COL26A1: variants seen among roughly 807,000 people sequenced by gnomAD.
COL26A1 encodes the protein collagen type XXVI alpha 1 chain.
A neutral mutation model predicts 59.3 loss-of-function variants in COL26A1; 41 were observed. The ratio of observed to expected loss-of-function variants is 0.69; its 90% CI spans 0.54 to 0.90. COL26A1 has a LOEUF of 0.90. Among genes scored for constraint, COL26A1 ranks in the 40% least tolerant of loss-of-function variants. The pLI is 0.00. For synonymous variants in COL26A1, 266 were observed against 256.0 expected, an observed-to-expected ratio of 1.04 and a Z score of -0.37; for missense variants, 612 against 602.3, an observed-to-expected ratio of 1.02 and a Z score of -0.17.
intron 1 of COL26A1, among the ~76,000 whole-genome samples, chr7:101,414,197 T>G (rs1792314717): frequency 6.6e-6 from 1 of 152,174 alleles, no homozygotes; most frequent in Non-Finnish European, 1.5e-5. Flanking sequence ...CCAGCCCATT[T>G]AAAGACCAAA....
At chr7:101,435,725 G>A (rs1011286524) in intron 2 of COL26A1, among the ~76,000 whole-genome samples, 6 of 152,160 alleles carry the variant, frequency 3.9e-5, no homozygotes, top group African/African-American at 1.2e-4. Flanking sequence ...CCAGGGACTC[G>A]GGGGGTTAAG....
intron 3 of COL26A1, among the ~76,000 whole-genome samples, chr7:101,525,652 A>G (rs1795229777): frequency 6.7e-6 from 1 of 149,278 alleles, no homozygotes; most frequent in African/African-American, 2.5e-5. Flanking sequence ...GCCCACCATC[A>G]CGCCCGGCTA....
At chr7:101,366,995 C>T (rs1791063206) in intron 1 of COL26A1, among the ~76,000 whole-genome samples, 1 of 152,108 alleles carries the variant, frequency 6.6e-6, no homozygotes, top group South Asian at 2.1e-4. Context: ...TTAGCTATTT[C>T]CTTCCCAGTG....
intron 3 of COL26A1, among the ~76,000 whole-genome samples, chr7:101,514,055 G>T (rs778897245): frequency 1.3e-5 from 2 of 152,110 alleles, no homozygotes; most frequent in Non-Finnish European, 2.9e-5. Flanking sequence ...CCACAACAAG[G>T]CTCGGCACGG....
chr7:101,526,078 C>T (rs1795241696), intron 3 of COL26A1, among the ~76,000 whole-genome samples: 1 of 150,802 alleles, frequency 6.6e-6, no homozygotes, highest in Non-Finnish European at 1.5e-5. Context: ...GACAGAGTTT[C>T]GCTCTTGTTG....
At chr7:101,421,410 C>T (rs1290470509) in intron 2 of COL26A1, among the ~76,000 whole-genome samples, 1 of 152,172 alleles carries the variant, frequency 6.6e-6, no homozygotes, top group Non-Finnish European at 1.5e-5. Flanking sequence ...TGCGGTGGCT[C>T]ATGCTTGTAA....
intron 3 of COL26A1, among the ~76,000 whole-genome samples, chr7:101,527,310 T>C (rs986359457): frequency 1.3e-5 from 2 of 151,908 alleles, no homozygotes; most frequent in African/African-American, 4.8e-5. Context: ...TCTTTCTCTT[T>C]TCTTTTTCTT....
intron 3 of COL26A1, among the ~76,000 whole-genome samples, chr7:101,462,716 C>T (rs1454882442): frequency 2.0e-5 from 3 of 152,106 alleles, no homozygotes; most frequent in African/African-American, 4.8e-5. Flanking sequence ...CCCATGCTTC[C>T]GGCCCCCGGT....
At chr7:101,400,553 T>G (rs1202492729) in intron 1 of COL26A1, among the ~76,000 whole-genome samples, 1 of 151,648 alleles carries the variant, frequency 6.6e-6, no homozygotes, top group Admixed American at 6.6e-5. Flanking sequence ...TTTTATTTTA[T>G]TTTTTGTTTG....
At chr7:101,462,934 A>G (rs930108643) in intron 3 of COL26A1, among the ~76,000 whole-genome samples, 2 of 152,174 alleles carry the variant, frequency 1.3e-5, no homozygotes, top group Non-Finnish European at 2.9e-5. Flanking sequence ...CACTTCGTGC[A>G]TCAAAGCACA....
At chr7:101,364,865 A>T (rs4478499) in intron 1 of COL26A1, among the ~76,000 whole-genome samples, 1 of 152,048 alleles carries the variant, frequency 6.6e-6, no homozygotes, top group Non-Finnish European at 1.5e-5. Flanking sequence ...CCACCACGCC[A>T]GGCCCAGATC....
intron 3 of COL26A1, among the ~76,000 whole-genome samples, chr7:101,464,017 T>C (rs906798366): frequency 4.0e-5 from 6 of 151,368 alleles, no homozygotes; most frequent in East Asian, 1.9e-4. Context: ...CCAGGCTAAA[T>C]TGCAGTGGCA....
intron 2 of COL26A1, among the ~76,000 whole-genome samples, chr7:101,444,435 G>A (rs1793136792): frequency 7.4e-6 from 1 of 134,300 alleles, no homozygotes; most frequent in Non-Finnish European, 1.6e-5. Flanking sequence ...TTTTTTTTGA[G>A]ACAGAGTTTC....
chr7:101,435,140 C>T (rs535837238), intron 2 of COL26A1, among the ~76,000 whole-genome samples: 32 of 152,224 alleles, frequency 2.1e-4, no homozygotes, highest in African/African-American at 7.5e-4. Context: ...GCCTGGCCAA[C>T]ATAGTGAAAC....
intron 3 of COL26A1, among the ~76,000 whole-genome samples, chr7:101,452,851 G>A (rs538361446): frequency 6.0e-4 from 91 of 151,792 alleles, no homozygotes; most frequent in Non-Finnish European, 9.7e-4. Context: ...TGCAACCTCC[G>A]CCTCCTGGGT....
chr7:101,362,788 G>A (rs1790920530), upstream of COL26A1: 1 of 527,640 alleles, frequency 1.9e-6, no homozygotes, highest in East Asian at 3.5e-5. Flanking sequence ...GGACCGCCGA[G>A]GGTTAACAAA....
intron 1 of COL26A1, among the ~76,000 whole-genome samples, chr7:101,417,526 G>T (rs1334564497): frequency 1.4e-5 from 2 of 147,470 alleles, no homozygotes; most frequent in Non-Finnish European, 3.0e-5. Context: ...ATAGAGACAG[G>T]GTCTCGCTCT....
At chr7:101,374,062 A>C (rs1016117229) in intron 1 of COL26A1, among the ~76,000 whole-genome samples, 1 of 152,160 alleles carries the variant, frequency 6.6e-6, no homozygotes, top group Admixed American at 6.5e-5. Context: ...GAATGTTAGC[A>C]CAAAGTGCTC....
Position 101,362,932 on chromosome 7 carries a change from G to C in COL26A1, c.-101G>C, listed in dbSNP as rs1363100598. The C allele has an allele frequency of 7.9e-7, 1 of 1,260,388 alleles. No homozygotes were observed. The highest frequency in any genetic ancestry group is 1.1e-6 in the Non-Finnish European group (1 of 947,486). 78.1% of individuals were successfully genotyped at this position (1,260,388 alleles called of 1,614,324 possible). A position where few individuals can be genotyped will look rare whatever the true frequency, so the allele number is the denominator to read the frequency against. Reference sequence around the variant, plus strand: ...TCCGACCGCTCGCCCCGCTCCTCTCGCTGTGCTCCCGGCCGGTGCCGCGGG... The same window carrying C: ...TCCGACCGCTCGCCCCGCTCCTCTCCCTGTGCTCCCGGCCGGTGCCGCGGG... On this transcript the variant is annotated 5_prime_UTR_variant, in exon 1 of 13. Coordinates refer to ENST00000313669, the MANE Select transcript of COL26A1 (RefSeq NM_001278563.3).
Sources: allele counts gnomAD v4.1 joint callset (sites outside exome capture counted in the v4.1 genomes callset), GRCh38; gene constraint gnomAD v4.1.1; transcripts MANE v1.5; gene names NCBI Gene and HGNC (gene_info 2026-07-23, HGNC 2026-07-21).